LRMDA: variants seen among roughly 807,000 people sequenced by gnomAD.
The protein encoded by LRMDA is leucine rich melanocyte differentiation associated, also known as leucine-rich melanocyte differentiation-associated protein.
LRMDA carries 18 observed loss-of-function variants against 29.8 expected under a neutral mutation model. The ratio of observed to expected loss-of-function variants is 0.60; its 90% confidence interval spans 0.42 to 0.90. The LOEUF is 0.90. Ranked by LOEUF, LRMDA falls within the 40% of genes least tolerant of loss-of-function variation. The pLI, the probability that LRMDA is intolerant of heterozygous loss-of-function variation, is 0.00. For synonymous variants in LRMDA, 125 were observed against 109.4 expected (o/e 1.14, Z -0.89); for missense variants, 273 against 273.9 (o/e 1.00, Z 0.02).
At chr10:75,437,283 G>A (rs984981405) in intron 1 of LRMDA, among the ~76,000 whole-genome samples, 3 of 152,332 alleles carry the variant, frequency 2.0e-5, no homozygotes, top group African/African-American at 7.2e-5. Flanking sequence ...ATGTAAGATG[G>A]CCACCATAGT....
chr10:76,284,433 C>T (rs1046983391), intron 5 of LRMDA, among the ~76,000 whole-genome samples: 3 of 152,062 alleles, frequency 2.0e-5, no homozygotes, highest in African/African-American at 7.2e-5. Context: ...AACGTGTTCT[C>T]CCCTCACCTC....
At chr10:75,728,064 G>A (rs1019531511) in intron 2 of LRMDA, among the ~76,000 whole-genome samples, 1 of 152,168 alleles carries the variant, frequency 6.6e-6, no homozygotes, top group African/African-American at 2.4e-5. Context: ...ACCCTCTGGG[G>A]GATATTATGA....
At chr10:75,830,926 TTCCTAG>T (rs1272237343) in intron 2 of LRMDA, among the ~76,000 whole-genome samples, 1 of 152,202 alleles carries the variant, frequency 6.6e-6, no homozygotes, top group Non-Finnish European at 1.5e-5. Context: ...AGTTAGTTAC[TTCCTAG>T]ACAAAACAGG....
intron 2 of LRMDA, among the ~76,000 whole-genome samples, chr10:75,518,695 A>G (rs529463282): frequency 3.9e-5 from 6 of 151,926 alleles, no homozygotes; most frequent in African/African-American, 9.7e-5. Flanking sequence ...TTGTGTCTCT[A>G]TCTCCTTCAG....
At chr10:75,552,365 G>T in intron 2 of LRMDA, 1 of 171,950 alleles carries the variant, frequency 5.8e-6, no homozygotes. Context: ...CTTTTGCATT[G>T]CATTCTTTCT....
intron 6 of LRMDA, among the ~76,000 whole-genome samples, chr10:76,418,806 A>G (rs1589175541): frequency 6.6e-6 from 1 of 152,212 alleles, no homozygotes; most frequent in Non-Finnish European, 1.5e-5. Context: ...TTCAACATCA[A>G]TGGGTATTGA....
intron 5 of LRMDA, among the ~76,000 whole-genome samples, chr10:76,080,730 C>G (rs1484484539): frequency 6.6e-6 from 1 of 152,216 alleles, no homozygotes; most frequent in Non-Finnish European, 1.5e-5. Context: ...CTGTTATTAG[C>G]TACTGCAGTT....
At chr10:75,585,877 T>G (rs1325812399) in intron 2 of LRMDA, among the ~76,000 whole-genome samples, 1 of 152,236 alleles carries the variant, frequency 6.6e-6, no homozygotes, top group African/African-American at 2.4e-5. Flanking sequence ...ACTCTTTGAT[T>G]CTATGAACTT....
intron 6 of LRMDA, among the ~76,000 whole-genome samples, chr10:76,532,133 C>T (rs567383192): frequency 3.3e-5 from 5 of 152,040 alleles, no homozygotes; most frequent in Admixed American, 6.6e-5. Context: ...CCCATCAACC[C>T]GTCACCTACA....
At chr10:75,478,043 G>A (rs1232335256) in intron 2 of LRMDA, among the ~76,000 whole-genome samples, 1 of 152,206 alleles carries the variant, frequency 6.6e-6, no homozygotes, top group East Asian at 1.9e-4. Context: ...CTCTGCTGAG[G>A]CCTCCTTTCT....
At chr10:76,371,279 G>A (rs11001754) in intron 6 of LRMDA, among the ~76,000 whole-genome samples, 16,766 of 152,190 alleles carry the variant, frequency 0.11, 1,552 homozygotes, top group African/African-American at 0.25. Context: ...TCGAGGTAGT[G>A]GTTCTCTTTC....
At chr10:76,494,381 A>AT (rs1390699794) in intron 6 of LRMDA, among the ~76,000 whole-genome samples, 1 of 149,008 alleles carries the variant, frequency 6.7e-6, no homozygotes, top group Non-Finnish European at 1.5e-5. Context: ...AAAATTTTCA[A>AT]TTTTTTCTTA....
At chr10:76,412,100 T>C (rs1841968382) in intron 6 of LRMDA, among the ~76,000 whole-genome samples, 1 of 152,220 alleles carries the variant, frequency 6.6e-6, no homozygotes, top group Non-Finnish European at 1.5e-5. Flanking sequence ...TTCCCAAATT[T>C]TGTTTGACTC....
intron 6 of LRMDA, among the ~76,000 whole-genome samples, chr10:76,483,319 C>T (rs747418931): frequency 6.6e-6 from 1 of 151,896 alleles, no homozygotes. Context: ...TGGTAGTATA[C>T]AGACAATGAC....
intron 2 of LRMDA, among the ~76,000 whole-genome samples, chr10:75,578,072 C>T (rs1840531157): frequency 6.6e-6 from 1 of 151,664 alleles, no homozygotes; most frequent in Non-Finnish European, 1.5e-5. Context: ...CTAAATGCCC[C>T]AATTAAAAGA....
intron 2 of LRMDA, among the ~76,000 whole-genome samples, chr10:76,034,122 A>G (rs2132504627): frequency 6.6e-6 from 1 of 152,316 alleles, no homozygotes. Context: ...AACAGGAAAT[A>G]GAGGAGCGGA....
chr10:75,536,190 T>C (rs1449831265), intron 2 of LRMDA, among the ~76,000 whole-genome samples: 1 of 152,122 alleles, frequency 6.6e-6, no homozygotes, highest in Non-Finnish European at 1.5e-5. Flanking sequence ...TTAACCATCC[T>C]TGCAGGGCGG....
chr10:75,855,519 G>A (rs907878472), intron 2 of LRMDA, among the ~76,000 whole-genome samples: 2 of 152,188 alleles, frequency 1.3e-5, no homozygotes, highest in South Asian at 2.1e-4. Context: ...TAGGCTGCCT[G>A]TTCACTCTGA....
At chr10:76,249,189 T>G (rs1852428709) in intron 5 of LRMDA, among the ~76,000 whole-genome samples, 1 of 152,212 alleles carries the variant, frequency 6.6e-6, no homozygotes, top group Admixed American at 6.5e-5. Context: ...TTACTCCCCA[T>G]TTTTATGGGC....
Sources: gnomAD v4.1 joint callset for allele counts (sites outside exome capture counted in the v4.1 genomes callset) on GRCh38, gnomAD v4.1.1 for gene constraint, MANE v1.5 for transcripts, NCBI Gene and HGNC (gene_info 2026-07-23, HGNC 2026-07-21) for gene names.